Variants in NRG1 observed in about 807,000 individuals in gnomAD.
NRG1 encodes the protein neuregulin 1.
Under a neutral mutation model 63.8 loss-of-function variants are expected in NRG1, and 18 were observed. The ratio of observed to expected loss-of-function variants is 0.28; its 90% CI spans 0.19 to 0.42. The LOEUF (loss-of-function observed/expected upper bound fraction) is 0.42. Ranked by LOEUF, NRG1 falls within the 10% of genes least tolerant of loss-of-function variation. NRG1 has a pLI of 1.00. For missense variants in NRG1, 762 were observed against 814.7 expected, an observed-to-expected ratio of 0.94 and a Z score of 0.79; for synonymous variants, 302 against 301.3, an observed-to-expected ratio of 1.00 and a Z score of -0.02.
intron 5 of NRG1, among the ~76,000 whole-genome samples, chr8:32,626,260 G>T (rs562994065): frequency 6.7e-6 from 1 of 149,966 alleles, no homozygotes; most frequent in Admixed American, 6.6e-5. Flanking sequence ...GAAGGAGTTC[G>T]CAGCAAAGTA....
intron 11 of NRG1, chr8:32,763,416 T>C (rs1831070616): frequency 3.2e-6 from 5 of 1,572,872 alleles, no homozygotes; most frequent in Admixed American, 1.8e-5. Flanking sequence ...TTGGTCCTTA[T>C]ATAAGCTGAG....
At chr8:32,111,507 T>C (rs1021124792) in intron 1 of NRG1, among the ~76,000 whole-genome samples, 5 of 152,220 alleles carry the variant, frequency 3.3e-5, no homozygotes, top group Non-Finnish European at 7.3e-5. Flanking sequence ...GTACCTCCAC[T>C]CTGTCACATC....
intron 1 of NRG1, among the ~76,000 whole-genome samples, chr8:31,957,549 C>T (rs917803144): frequency 4.7e-5 from 7 of 149,428 alleles, no homozygotes; most frequent in Admixed American, 2.6e-4. Flanking sequence ...TTTCTAGTAC[C>T]CACATTTCCA....
intron 2 of NRG1, among the ~76,000 whole-genome samples, chr8:32,599,783 A>T (rs549335809): frequency 1.3e-5 from 2 of 152,316 alleles, no homozygotes; most frequent in East Asian, 3.9e-4. Flanking sequence ...TTTATTAAAG[A>T]CTGGCTTCCT....
chr8:32,748,339 G>GCA (rs879033032), intron 7 of NRG1, among the ~76,000 whole-genome samples: 2,429 of 128,194 alleles, frequency 0.019, 53 homozygotes, highest in Non-Finnish European at 0.022. Flanking sequence ...GCGCGCGCGC[G>GCA]CACACACACA....
At chr8:32,640,275 G>A (rs62500239) in intron 5 of NRG1, among the ~76,000 whole-genome samples, 699 of 69,038 alleles carry the variant, frequency 0.01, 7 homozygotes, top group South Asian at 0.043. Flanking sequence ...ACACACACAC[G>A]CACGCACACA....
intron 1 of NRG1, among the ~76,000 whole-genome samples, chr8:31,799,395 T>C (rs1229625964): frequency 6.6e-6 from 1 of 152,132 alleles, no homozygotes; most frequent in Non-Finnish European, 1.5e-5. Flanking sequence ...GTGAGACATA[T>C]CAGTTACTCT....
At chr8:32,721,820 T>G in intron 5 of NRG1, 1 of 1,350,828 alleles carries the variant, frequency 7.4e-7, no homozygotes, top group Non-Finnish European at 9.5e-7. Flanking sequence ...AGAAGCTACA[T>G]TAGGTGGCAC....
chr8:32,255,518 C>A (rs2129471078), intron 1 of NRG1, among the ~76,000 whole-genome samples: 1 of 152,286 alleles, frequency 6.6e-6, no homozygotes, highest in South Asian at 2.1e-4. Flanking sequence ...TGAATATTGG[C>A]CCCCAATCTC....
intron 5 of NRG1, among the ~76,000 whole-genome samples, chr8:32,715,932 G>A (rs139531625): frequency 0.012 from 1,852 of 152,292 alleles, 39 homozygotes; most frequent in African/African-American, 0.042. Context: ...GTGAGCCATC[G>A]TGCCTGGCCT....
At chr8:31,888,048 T>C (rs1251482140) in intron 1 of NRG1, among the ~76,000 whole-genome samples, 1 of 151,766 alleles carries the variant, frequency 6.6e-6, no homozygotes, top group Non-Finnish European at 1.5e-5. Flanking sequence ...CATATCAATA[T>C]ATATTATACA....
chr8:32,121,817 G>T (rs1833493910), intron 1 of NRG1, among the ~76,000 whole-genome samples: 1 of 151,934 alleles, frequency 6.6e-6, no homozygotes, highest in African/African-American at 2.4e-5. Flanking sequence ...TCCTGCCATA[G>T]AGTGTTTTGA....
intron 1 of NRG1, among the ~76,000 whole-genome samples, chr8:32,312,070 A>G (rs947369217): frequency 3.3e-5 from 5 of 152,088 alleles, no homozygotes; most frequent in Non-Finnish European, 7.4e-5. Context: ...AGTAATTGGA[A>G]GAAAACTGCG....
intron 1 of NRG1, among the ~76,000 whole-genome samples, chr8:32,158,014 A>T (rs1030502934): frequency 2.6e-5 from 4 of 152,182 alleles, no homozygotes; most frequent in African/African-American, 9.6e-5. Flanking sequence ...CCACGTCAAC[A>T]GGACTCCCTC....
chr8:31,894,422 G>A (rs1321775779), intron 1 of NRG1, among the ~76,000 whole-genome samples: 2 of 152,052 alleles, frequency 1.3e-5, no homozygotes, highest in Non-Finnish European at 2.9e-5. Flanking sequence ...ATATGTAAAA[G>A]TGCTTATGAT....
chr8:32,504,123 T>G (rs1454822621), intron 1 of NRG1, among the ~76,000 whole-genome samples: 2 of 152,202 alleles, frequency 1.3e-5, no homozygotes, highest in Admixed American at 1.3e-4. Flanking sequence ...CTTACCCAAC[T>G]CCTGCGATCT....
Position 31,826,552 on chromosome 8 carries a change from A to G in NRG1, c.37+187121A>G, listed in dbSNP as rs138955005. Reference sequence around the variant, plus strand: ...AGTCCATTAATACTCTTTTCTTTATAAATTACCAAGTCTTGGGTATGTCTT... The same window carrying G: ...AGTCCATTAATACTCTTTTCTTTATGAATTACCAAGTCTTGGGTATGTCTT... On this transcript the variant is annotated intron_variant, in intron 1 of 10. Coordinates refer to the NRG1 transcript ENST00000519301. Among the ~76,000 whole-genome samples, 478 of 152,286 alleles carry G rather than the reference A, an allele frequency of 3.1e-3. 3 individuals carry two copies. The highest frequency in any genetic ancestry group is 0.011 in the African/African-American group (446 of 41,554).
chr8:31,927,737 C>T (rs1396286987), intron 1 of NRG1, among the ~76,000 whole-genome samples: 4 of 149,442 alleles, frequency 2.7e-5, no homozygotes, highest in East Asian at 2.0e-4. Context: ...CGTGAGCCAC[C>T]GCGCCCGGCC....
At chr8:32,221,857 CTCTCT>C (rs1845849000) in intron 1 of NRG1, among the ~76,000 whole-genome samples, 2 of 151,194 alleles carry the variant, frequency 1.3e-5, no homozygotes, top group Non-Finnish European at 1.5e-5. Flanking sequence ...ATTTTTTTTG[CTCTCT>C]TCTCAACCAT....
Sources: gnomAD v4.1 joint callset for allele counts (sites outside exome capture counted in the v4.1 genomes callset) on GRCh38, gnomAD v4.1.1 for gene constraint, MANE v1.5 for transcripts, NCBI Gene and HGNC (gene_info 2026-07-23, HGNC 2026-07-21) for gene names.